Variants in CACNA2D3 observed in about 807,000 individuals in gnomAD.
CACNA2D3 encodes voltage-dependent calcium channel subunit alpha-2/delta-3.
A neutral mutation model predicts 160.6 loss-of-function variants in CACNA2D3; 60 were observed. The observed-to-expected ratio is 0.37, with a 90% CI of 0.30 to 0.46. CACNA2D3 has a LOEUF of 0.46. Among genes scored for constraint, CACNA2D3 ranks in the 20% least tolerant of loss-of-function variants. The pLI is 1.00. For synonymous variants in CACNA2D3, 558 were observed against 492.9 expected, an observed-to-expected ratio of 1.13 and a Z score of -1.75; for missense variants, 1,205 against 1,365.0, an observed-to-expected ratio of 0.88 and a Z score of 1.85.
intron 11 of CACNA2D3, among the ~76,000 whole-genome samples, chr3:54,743,025 G>C (rs1200181568): frequency 2.0e-5 from 3 of 152,204 alleles, no homozygotes; most frequent in Admixed American, 1.3e-4. Flanking sequence ...AAATAGAAAA[G>C]TATTGAAAAT....
At chr3:54,936,190 A>G (rs1357901795) in intron 27 of CACNA2D3, among the ~76,000 whole-genome samples, 1 of 152,178 alleles carries the variant, frequency 6.6e-6, no homozygotes, top group Non-Finnish European at 1.5e-5. Flanking sequence ...TTTTGCACAT[A>G]GTAATATACA....
intron 11 of CACNA2D3, among the ~76,000 whole-genome samples, chr3:54,650,073 GAAGC>G (rs1431267828): frequency 6.6e-6 from 1 of 152,172 alleles, no homozygotes; most frequent in East Asian, 1.9e-4. Flanking sequence ...TTGAGCCACA[GAAGC>G]AGTACTAGAA....
At chr3:54,556,473 T>A (rs1487985540) in intron 5 of CACNA2D3, among the ~76,000 whole-genome samples, 1 of 152,194 alleles carries the variant, frequency 6.6e-6, no homozygotes, top group Non-Finnish European at 1.5e-5. Flanking sequence ...GAAGCAACCC[T>A]GCTGGCAGCT....
chr3:54,367,458 A>G (rs545139863), intron 3 of CACNA2D3: 1 of 162,156 alleles, frequency 6.2e-6, no homozygotes, highest in Admixed American at 6.5e-5. Context: ...GGAAAACTGT[A>G]GGGTCTAGTT....
intron 9 of CACNA2D3, among the ~76,000 whole-genome samples, chr3:54,618,374 T>TATATACACAC: frequency 3.7e-5 from 2 of 54,586 alleles, no homozygotes; most frequent in South Asian, 6.9e-4. Flanking sequence ...TATATATATA[T>TATATACACAC]GCACACACAC....
At chr3:54,183,084 C>A (rs527264396) in intron 2 of CACNA2D3, among the ~76,000 whole-genome samples, 1 of 152,100 alleles carries the variant, frequency 6.6e-6, no homozygotes, top group Non-Finnish European at 1.5e-5. Context: ...TCATTCCCCC[C>A]CCAAAATATT....
At chr3:54,986,372 A>G (rs753180651) in intron 30 of CACNA2D3, among the ~76,000 whole-genome samples, 8 of 152,174 alleles carry the variant, frequency 5.3e-5, no homozygotes, top group African/African-American at 7.2e-5. Flanking sequence ...CTGTGCCCCA[A>G]TTAGGATAAT....
At chr3:54,354,142 AC>A (rs1481452858) in intron 3 of CACNA2D3, among the ~76,000 whole-genome samples, 2 of 152,060 alleles carry the variant, frequency 1.3e-5, no homozygotes, top group Non-Finnish European at 2.9e-5. Flanking sequence ...ACCTACCCAT[AC>A]GTGCTGTGCA....
At chr3:54,461,861 G>A (rs1700511596) in intron 4 of CACNA2D3, among the ~76,000 whole-genome samples, 1 of 152,166 alleles carries the variant, frequency 6.6e-6, no homozygotes, top group African/African-American at 2.4e-5. Context: ...TCTTTTAATT[G>A]TGATGTTAGG....
At chr3:54,974,001 A>T (rs1455656136) in intron 29 of CACNA2D3, among the ~76,000 whole-genome samples, 1 of 152,070 alleles carries the variant, frequency 6.6e-6, no homozygotes, top group East Asian at 1.9e-4. Context: ...CTCTCTCCCC[A>T]CAAATGAAGA....
At chr3:54,729,707 C>T (rs574541261) in intron 11 of CACNA2D3, among the ~76,000 whole-genome samples, 1 of 152,154 alleles carries the variant, frequency 6.6e-6, no homozygotes, top group African/African-American at 2.4e-5. Context: ...TTTTAAAAAT[C>T]AGTGTTTATG....
chr3:54,989,041 C>A (rs1261105923), intron 31 of CACNA2D3, among the ~76,000 whole-genome samples: 1 of 152,338 alleles, frequency 6.6e-6, no homozygotes, highest in African/African-American at 2.4e-5. Flanking sequence ...TCCACCACTT[C>A]TTCAAGCTTC....
chr3:55,065,848 C>T (rs1575460052), intron 35 of CACNA2D3, among the ~76,000 whole-genome samples: 1 of 152,254 alleles, frequency 6.6e-6, no homozygotes, highest in Middle Eastern at 3.4e-3. Context: ...TAGGCCAATC[C>T]TCACTGTGGC....
chr3:54,885,964 A>G (rs1002410332), intron 23 of CACNA2D3, among the ~76,000 whole-genome samples: 4 of 152,238 alleles, frequency 2.6e-5, no homozygotes, highest in African/African-American at 7.2e-5. Flanking sequence ...GGCTATATCT[A>G]GATCTCCTGG....
At chr3:55,020,733 C>T (rs1438098821) in intron 35 of CACNA2D3, among the ~76,000 whole-genome samples, 1 of 151,862 alleles carries the variant, frequency 6.6e-6, no homozygotes, top group Non-Finnish European at 1.5e-5. Context: ...CACCTGTAAT[C>T]CCAACTACTC....
At chr3:54,375,843 G>A (rs1699003521) in intron 3 of CACNA2D3, among the ~76,000 whole-genome samples, 1 of 152,092 alleles carries the variant, frequency 6.6e-6, no homozygotes, top group Admixed American at 6.5e-5. Context: ...AGATGGCCGT[G>A]GCTTTGCTAG....
intron 17 of CACNA2D3, among the ~76,000 whole-genome samples, chr3:54,865,194 C>T (rs911621256): frequency 3.9e-5 from 6 of 152,224 alleles, no homozygotes; most frequent in Admixed American, 3.3e-4. Context: ...ATTCAAAGTA[C>T]TTTTACCCTT....
At chr3:54,124,690 T>G (rs1250056110) in intron 2 of CACNA2D3, among the ~76,000 whole-genome samples, 1 of 152,182 alleles carries the variant, frequency 6.6e-6, no homozygotes, top group Non-Finnish European at 1.5e-5. Context: ...AATCCAAATA[T>G]CGTAATAAAG....
chr3:54,726,972 C>G (rs1375347953), intron 11 of CACNA2D3, among the ~76,000 whole-genome samples: 1 of 152,166 alleles, frequency 6.6e-6, no homozygotes, highest in Admixed American at 6.5e-5. Context: ...TCAGAGTGAA[C>G]AGGCAACCTA....
Sources: allele counts gnomAD v4.1 joint callset (sites outside exome capture counted in the v4.1 genomes callset), GRCh38; gene constraint gnomAD v4.1.1; transcripts MANE v1.5; gene names NCBI Gene and HGNC (gene_info 2026-07-23, HGNC 2026-07-21).